The following SLC16A10 variants were observed in gnomAD, a reference collection of about 807,000 sequenced individuals.
The protein encoded by SLC16A10 is solute carrier family 16 member 10.
In SLC16A10, 27 loss-of-function variants were observed where a neutral mutation model predicts 40.0. The observed-to-expected ratio is 0.67, with a 90% CI of 0.50 to 0.93. SLC16A10 has a LOEUF of 0.93. SLC16A10 is among the 40% of genes least tolerant of loss of function. The pLI, the probability that SLC16A10 is intolerant of heterozygous loss-of-function variation, is 0.00. For missense variants in SLC16A10, 529 were observed against 658.2 expected (o/e 0.80, Z 2.15); for synonymous variants, 213 against 249.8 (o/e 0.85, Z 1.39).
chr6:111,120,849 A>T (rs567582016), intron 1 of SLC16A10, among the ~76,000 whole-genome samples: 4 of 152,294 alleles, frequency 2.6e-5, no homozygotes, highest in African/African-American at 4.8e-5. Flanking sequence ...ACTTGGAAAC[A>T]TTTATCTTAA....
At chr6:111,214,528 C>T (rs997253494) in intron 4 of SLC16A10, among the ~76,000 whole-genome samples, 4 of 152,150 alleles carry the variant, frequency 2.6e-5, no homozygotes, top group East Asian at 3.9e-4. Context: ...GGAATAGGTA[C>T]GTTCTCACGA....
intron 1 of SLC16A10, among the ~76,000 whole-genome samples, chr6:111,138,353 G>A (rs1771919215): frequency 6.6e-6 from 1 of 152,168 alleles, no homozygotes; most frequent in Non-Finnish European, 1.5e-5. Context: ...TGGCCTGATT[G>A]TCTTATTCAT....
chr6:111,090,681 TC>T (rs1336169791), intron 1 of SLC16A10, among the ~76,000 whole-genome samples: 1 of 152,212 alleles, frequency 6.6e-6, no homozygotes, highest in Non-Finnish European at 1.5e-5. Context: ...TCTACCACAG[TC>T]ACTGTTATTT....
chr6:111,169,044 A>G (rs980623979), intron 1 of SLC16A10, among the ~76,000 whole-genome samples: 4 of 152,152 alleles, frequency 2.6e-5, no homozygotes, highest in Admixed American at 2.0e-4. Flanking sequence ...GTTGTGGGGA[A>G]CAGAGGACCA....
chr6:111,204,495 C>T (rs532670128), intron 3 of SLC16A10, among the ~76,000 whole-genome samples: 1 of 152,174 alleles, frequency 6.6e-6, no homozygotes, highest in Admixed American at 6.5e-5. Flanking sequence ...CACGGAATAC[C>T]TCAGGTGCCA....
chr6:111,093,412 A>C (rs1175491030), intron 1 of SLC16A10, among the ~76,000 whole-genome samples: 1 of 152,212 alleles, frequency 6.6e-6, no homozygotes, highest in African/African-American at 2.4e-5. Context: ...TGAATCTTGC[A>C]GCACCTCTCC....
At chr6:111,125,979 AAGAC>A (rs1389336918) in intron 1 of SLC16A10, among the ~76,000 whole-genome samples, 1 of 152,196 alleles carries the variant, frequency 6.6e-6, no homozygotes, top group African/African-American at 2.4e-5. Context: ...ATTCTTAGAG[AAGAC>A]AGACATAGAA....
At chr6:111,127,043 T>G (rs929850732) in intron 1 of SLC16A10, among the ~76,000 whole-genome samples, 12 of 152,218 alleles carry the variant, frequency 7.9e-5, no homozygotes, top group Non-Finnish European at 1.8e-4. Flanking sequence ...ATTGGTAGTA[T>G]TATTTTCAGA....
intron 1 of SLC16A10, among the ~76,000 whole-genome samples, chr6:111,134,281 GT>G (rs1771838108): frequency 1.3e-5 from 2 of 152,306 alleles, no homozygotes; most frequent in East Asian, 3.9e-4. Flanking sequence ...ATTCAATGAT[GT>G]CCACTATAAC....
At chr6:111,207,082 C>T (rs761548040) in intron 4 of SLC16A10, among the ~76,000 whole-genome samples, 6 of 152,156 alleles carry the variant, frequency 3.9e-5, no homozygotes, top group Non-Finnish European at 7.3e-5. Context: ...CTGCCCGCCT[C>T]GGCCTCCCAA....
intron 4 of SLC16A10, among the ~76,000 whole-genome samples, chr6:111,216,281 T>G (rs1773419602): frequency 6.6e-6 from 1 of 152,168 alleles, no homozygotes; most frequent in Non-Finnish European, 1.5e-5. Flanking sequence ...GTCATGGAAG[T>G]TGCATTGGAG....
chr6:111,150,872 T>A (rs551701477), intron 1 of SLC16A10, among the ~76,000 whole-genome samples: 1 of 152,236 alleles, frequency 6.6e-6, no homozygotes, highest in African/African-American at 2.4e-5. Flanking sequence ...GCTGTTTTTT[T>A]AATTTGTTCT....
chr6:111,107,295 C>T (rs535253228), intron 1 of SLC16A10, among the ~76,000 whole-genome samples: 14 of 152,194 alleles, frequency 9.2e-5, no homozygotes, highest in Non-Finnish European at 2.1e-4. Flanking sequence ...GAAATGATAT[C>T]GCACCAGTTT....
At chr6:111,190,105 T>C (rs1241434265) in intron 3 of SLC16A10, among the ~76,000 whole-genome samples, 1 of 152,212 alleles carries the variant, frequency 6.6e-6, no homozygotes, top group Non-Finnish European at 1.5e-5. Context: ...GGTACATGCA[T>C]TGGGTAAATA....
At chr6:111,188,662 T>C (rs1404522096) in intron 3 of SLC16A10, among the ~76,000 whole-genome samples, 1 of 152,210 alleles carries the variant, frequency 6.6e-6, no homozygotes, top group Non-Finnish European at 1.5e-5. Flanking sequence ...CTGAGATTCA[T>C]TTGTGCTGAT....
Position 111,087,777 on chromosome 6 carries a change from G to C in SLC16A10, c.25G>C (p.Asp9His). MVLSQEEP[D>H]SARGTSEAQP... ...CATGGTGCTCTCCCAGGAGGAGCCG[G>C]ACTCCGCGCGGGGCACGAGCGAGGC... Residue 9 changes from aspartate to histidine, a missense_variant, in exon 1 of 6, where the codon GAC (aspartate) becomes CAC (histidine). Physicochemically the swap from Asp to His is moderately conservative, Grantham distance 81. Transcript: ENST00000368851. 1 of 1,224,394 alleles carries C rather than the reference G, an allele frequency of 8.2e-7. No individual in the cohort carries two copies. Among genetic ancestry groups the C allele is most frequent in the Non-Finnish European group, 1.0e-6 (1 of 984,648 alleles). The allele number at this position is 1,224,394 out of a possible 1,614,324, so 75.8% of individuals were successfully genotyped here.
At chr6:111,212,611 A>G (rs1773361875) in intron 4 of SLC16A10, among the ~76,000 whole-genome samples, 1 of 152,016 alleles carries the variant, frequency 6.6e-6, no homozygotes, top group African/African-American at 2.4e-5. Context: ...TGGGCAACAT[A>G]GTGAGACCTC....
At chr6:111,191,309 G>GGTTT (rs1478447892) in intron 3 of SLC16A10, among the ~76,000 whole-genome samples, 2 of 152,094 alleles carry the variant, frequency 1.3e-5, no homozygotes, top group African/African-American at 2.4e-5. Context: ...TGAGAATGAT[G>GGTTT]GTTTCCAGCT....
At chr6:111,125,333 C>A (rs1032490899) in intron 1 of SLC16A10, among the ~76,000 whole-genome samples, 2 of 152,088 alleles carry the variant, frequency 1.3e-5, no homozygotes, top group Non-Finnish European at 2.9e-5. Flanking sequence ...TTTGTAGAAA[C>A]AATAATATGT....
Sources: gnomAD v4.1 joint callset for allele counts (sites outside exome capture counted in the v4.1 genomes callset) on GRCh38, gnomAD v4.1.1 for gene constraint, MANE v1.5 for transcripts, NCBI Gene and HGNC (gene_info 2026-07-23, HGNC 2026-07-21) for gene names.